KANSL1: variants seen among roughly 807,000 people sequenced by gnomAD.
The protein encoded by KANSL1 is MLL1/MLL complex subunit KANSL1.
Under a neutral mutation model 103.6 loss-of-function variants are expected in KANSL1, and 22 were observed. The ratio of observed to expected loss-of-function variants is 0.21; its 90% CI spans 0.15 to 0.30. The LOEUF (loss-of-function observed/expected upper bound fraction) is 0.30, where lower values mean the gene tolerates loss of function less well. Ranked by LOEUF, KANSL1 falls within the 10% of genes least tolerant of loss-of-function variation. The pLI is 1.00. For synonymous variants in KANSL1, 600 were observed against 527.6 expected (o/e 1.14, Z -1.88); for missense variants, 1,337 against 1,399.8 (o/e 0.96, Z 0.72).
At chr17:46,166,635 TGAAACA>T (rs1238665628) in intron 2 of KANSL1, among the ~76,000 whole-genome samples, 2 of 152,206 alleles carry the variant, frequency 1.3e-5, no homozygotes, top group Non-Finnish European at 2.9e-5. Flanking sequence ...AACCCTGATC[TGAAACA>T]GACTTCAGGA....
chr17:46,174,076 T>C (rs1397775761), intron 1 of KANSL1, among the ~76,000 whole-genome samples: 1 of 152,238 alleles, frequency 6.6e-6, no homozygotes, highest in Non-Finnish European at 1.5e-5. Flanking sequence ...TGACGATATT[T>C]GCTGCCAATA....
intron 1 of KANSL1, among the ~76,000 whole-genome samples, chr17:46,199,488 A>G (rs1444855223): frequency 3.3e-5 from 5 of 152,374 alleles, no homozygotes; most frequent in African/African-American, 9.6e-5. Context: ...ATTTTTATGT[A>G]CTGACTGAAT....
At chr17:46,188,530 G>A (rs182836392) in intron 1 of KANSL1, among the ~76,000 whole-genome samples, 136 of 152,316 alleles carry the variant, frequency 8.9e-4, no homozygotes, top group Non-Finnish European at 1.4e-3. Flanking sequence ...TGATCCAAGT[G>A]TTCTTTGCAC....
intron 2 of KANSL1, among the ~76,000 whole-genome samples, chr17:46,147,652 C>G (rs1033517461): frequency 6.7e-6 from 1 of 149,314 alleles, no homozygotes; most frequent in African/African-American, 2.5e-5. Flanking sequence ...TGATAAGATA[C>G]TACATAATCA....
At chr17:46,215,713 T>C (rs1193121362) in intron 1 of KANSL1, among the ~76,000 whole-genome samples, 2 of 152,002 alleles carry the variant, frequency 1.3e-5, no homozygotes, top group Admixed American at 6.6e-5. Context: ...TAGGAAGAGG[T>C]TGGACTGGGG....
intron 1 of KANSL1, among the ~76,000 whole-genome samples, chr17:46,219,593 G>A (rs1485214025): frequency 2.6e-5 from 4 of 152,200 alleles, no homozygotes; most frequent in Non-Finnish European, 4.4e-5. Flanking sequence ...TCTCAAACTC[G>A]TGTGCTCCAG....
intron 2 of KANSL1, among the ~76,000 whole-genome samples, chr17:46,139,151 C>A: frequency 6.6e-6 from 1 of 152,204 alleles, no homozygotes; most frequent in East Asian, 1.9e-4. Context: ...ATACCTAGGA[C>A]ATCACAGGAA....
At chr17:46,170,678 A>T in intron 2 of KANSL1, 177 bp downstream of exon 2, 1 of 698,970 alleles carries the variant, frequency 1.4e-6, no homozygotes, top group Non-Finnish European at 2.3e-6. Flanking sequence ...CAGCAAAAGT[A>T]TCTTCCCCTT....
chr17:46,123,059 T>C (rs2043354324), intron 2 of KANSL1, among the ~76,000 whole-genome samples: 1 of 152,220 alleles, frequency 6.6e-6, no homozygotes, highest in African/African-American at 2.4e-5. Context: ...GGATGTTTTC[T>C]GGTAAAATAG....
intron 2 of KANSL1, among the ~76,000 whole-genome samples, chr17:46,132,602 C>T (rs1167408722): frequency 6.6e-6 from 1 of 152,190 alleles, no homozygotes; most frequent in South Asian, 2.1e-4. Context: ...ATTGTGATGA[C>T]CATTAATGTT....
intron 2 of KANSL1, among the ~76,000 whole-genome samples, chr17:46,127,767 G>A (rs1289020586): frequency 6.8e-6 from 1 of 146,360 alleles, no homozygotes. Flanking sequence ...AACAGAGCCA[G>A]ACCCTGTCTC....
intron 2 of KANSL1, among the ~76,000 whole-genome samples, chr17:46,103,663 A>C (rs1194841657): frequency 6.6e-6 from 1 of 152,206 alleles, no homozygotes; most frequent in Non-Finnish European, 1.5e-5. Flanking sequence ...TGTCCTTTAG[A>C]ATTTCCTCCA....
rs767599124 is a variant in KANSL1, at chr17:46,032,272, T to C, written c.2865A>G (p.Thr955=). 2 of 1,530,026 alleles carry C rather than the reference T, an allele frequency of 1.3e-6. No homozygotes were observed. The highest frequency in any genetic ancestry group is 1.8e-6 in the Non-Finnish European group (2 of 1,138,626). The allele number at this position is 1,530,026 out of a possible 1,614,324, so 94.8% of individuals were successfully genotyped here. A position where few individuals can be genotyped will look rare whatever the true frequency, so the allele number is the denominator to read the frequency against. The part of the protein sequence containing the change: ...SRSYRSSDGR[T]TPQLGSANPS... ...GGTTGGCACTGCCCAGCTGGGGGGT[T>C]GTCCGGCCGTCTGATGACCTGTAGG... Residue 955 remains threonine, a synonymous_variant, in exon 14 of 15, where the codon ACA becomes ACG. Transcript: ENST00000432791.
upstream of KANSL1, chr17:46,196,118 T>C (rs1261467278): frequency 2.9e-6 from 1 of 341,234 alleles, no homozygotes; most frequent in Non-Finnish European, 5.7e-6. Context: ...TAGCATGTGC[T>C]TACAGTCCCA....
intron 2 of KANSL1, 126 bp downstream of exon 2, chr17:46,170,729 G>A: frequency 9.0e-7 from 1 of 1,113,146 alleles, no homozygotes; most frequent in Non-Finnish European, 1.3e-6. Context: ...CCAACATCAG[G>A]GAAAAAACAA....
chr17:46,214,421 A>AG (rs777201949), intron 1 of KANSL1, among the ~76,000 whole-genome samples: 13 of 152,208 alleles, frequency 8.5e-5, no homozygotes, highest in Non-Finnish European at 1.5e-4. Flanking sequence ...TGGGAGGCTG[A>AG]GGGGGGTGGA....
chr17:46,092,023 T>C (rs1432753454), intron 3 of KANSL1, among the ~76,000 whole-genome samples: 1 of 152,202 alleles, frequency 6.6e-6, no homozygotes, highest in Non-Finnish European at 1.5e-5. Context: ...TTTCACCATG[T>C]TGGCCAGGCT....
chr17:46,083,149 C>A (rs1443279770), intron 3 of KANSL1, among the ~76,000 whole-genome samples: 2 of 152,000 alleles, frequency 1.3e-5, no homozygotes, highest in Admixed American at 6.5e-5. Flanking sequence ...TTCCAGGAAA[C>A]AATTTACATA....
At chr17:46,169,743 T>C (rs1480792540) in intron 2 of KANSL1, 1 of 152,270 alleles carries the variant, frequency 6.6e-6, no homozygotes, top group African/African-American at 2.4e-5. Context: ...TATGTTATAA[T>C]ATAGTACTGC....
Sources: allele counts gnomAD v4.1 joint callset (sites outside exome capture counted in the v4.1 genomes callset), GRCh38; gene constraint gnomAD v4.1.1; transcripts MANE v1.5; gene names NCBI Gene and HGNC (gene_info 2026-07-23, HGNC 2026-07-21).